CHODL: variants seen among roughly 807,000 people sequenced by gnomAD.
CHODL encodes transmembrane protein MT75.
In CHODL, 29 loss-of-function variants were observed where a neutral mutation model predicts 34.5. The observed-to-expected ratio is 0.84, with a 90% CI of 0.63 to 1.15. The LOEUF (loss-of-function observed/expected upper bound fraction) is 1.15, where lower values mean the gene tolerates loss of function less well. Ranked by LOEUF, CHODL falls within the 50% of genes most tolerant of loss-of-function variation. CHODL has a pLI of 0.00. For synonymous variants in CHODL, 125 were observed against 116.1 expected, an observed-to-expected ratio of 1.08 and a Z score of -0.49; for missense variants, 332 against 332.5, an observed-to-expected ratio of 1.00 and a Z score of 0.01.
chr21:17,935,344 C>G (rs1272020994), intron 1 of CHODL, among the ~76,000 whole-genome samples: 1 of 152,096 alleles, frequency 6.6e-6, no homozygotes, highest in Admixed American at 6.5e-5. Context: ...CTAGTGGCCA[C>G]TCAGTTGGTA....
At chr21:18,099,363 T>C (rs1340167008) in intron 2 of CHODL, among the ~76,000 whole-genome samples, 1 of 151,902 alleles carries the variant, frequency 6.6e-6, no homozygotes, top group Admixed American at 6.6e-5. Context: ...TATGTATACC[T>C]ACTGAGTACC....
intron 2 of CHODL, among the ~76,000 whole-genome samples, chr21:18,199,352 A>G (rs2073625981): frequency 6.6e-6 from 1 of 152,144 alleles, no homozygotes; most frequent in Admixed American, 6.5e-5. Flanking sequence ...TTTATGGAAA[A>G]TTGAGCAGAT....
chr21:18,245,137 GAGGCTGC>G lies in CHODL; in HGVS notation c.-84_-78del, dbSNP rs2074122328. ...GAGTAGGGCCCGGCAGGGAGGCAGGGAGGCTGCAGAGTCAGAGTCGCGGGCTGCGCCC... is the reference window on the plus strand; with the variant it reads ...GAGTAGGGCCCGGCAGGGAGGCAGGGAGAGTCAGAGTCGCGGGCTGCGCCC... On this transcript the variant is annotated 5_prime_UTR_variant, in exon 1 of 6. Coordinates refer to ENST00000299295, the MANE Select transcript of CHODL (RefSeq NM_024944.3). 2.1e-5 allele frequency: 25 copies of G among 1,176,464 alleles called. No homozygotes were observed. The South Asian group carries it at 3.1e-4, about 15-fold the overall frequency. The allele number at this position is 1,176,464 out of a possible 1,614,324, so 72.9% of individuals were successfully genotyped here. A position where few individuals can be genotyped will look rare whatever the true frequency, so the allele number is the denominator to read the frequency against.
At chr21:17,999,498 C>T (rs139806867) in intron 1 of CHODL, among the ~76,000 whole-genome samples, 14 of 152,036 alleles carry the variant, frequency 9.2e-5, no homozygotes, top group Middle Eastern at 3.2e-3. Context: ...TAAACACATA[C>T]GTGAAACTGT....
intron 2 of CHODL, among the ~76,000 whole-genome samples, chr21:18,058,560 T>G (rs2064613484): frequency 6.6e-6 from 1 of 152,140 alleles, no homozygotes; most frequent in African/African-American, 2.4e-5. Context: ...TTGGAGGACA[T>G]TATGTCAAGT....
At chr21:18,023,224 G>C (rs192379225) in intron 1 of CHODL, among the ~76,000 whole-genome samples, 2 of 152,258 alleles carry the variant, frequency 1.3e-5, no homozygotes, top group East Asian at 1.9e-4. Flanking sequence ...TGGGGATAAG[G>C]GGGTGGGGAC....
At chr21:18,041,209 C>A (rs2064371715) in intron 2 of CHODL, among the ~76,000 whole-genome samples, 1 of 151,846 alleles carries the variant, frequency 6.6e-6, no homozygotes, top group African/African-American at 2.4e-5. Flanking sequence ...TAGACAGACA[C>A]AAGGTGGCGT....
At chr21:18,023,923 T>C (rs1290436530) in intron 1 of CHODL, among the ~76,000 whole-genome samples, 2 of 152,174 alleles carry the variant, frequency 1.3e-5, no homozygotes, top group African/African-American at 4.8e-5. Context: ...TCTCAAAGCA[T>C]GCAAAACTAG....
chr21:17,997,119 G>T (rs2063857452), intron 1 of CHODL, among the ~76,000 whole-genome samples: 2 of 152,044 alleles, frequency 1.3e-5, no homozygotes. Context: ...TTTCTTTTAA[G>T]TTCATAATAT....
intron 2 of CHODL, among the ~76,000 whole-genome samples, chr21:18,221,818 C>G (rs145567495): frequency 6.6e-6 from 1 of 152,314 alleles, no homozygotes; most frequent in Admixed American, 6.5e-5. Flanking sequence ...ATTTGAGCCT[C>G]TGAGCAGGGT....
Position 18,261,718 on chromosome 21 carries a change from T to A in CHODL, c.635-1073T>A, listed in dbSNP as rs569887600. ...ACATTAGAAATACTTTTTTCTCTTT[T>A]GAAATTGAGCAGATGTTTATTAATT... On this transcript the variant is annotated intron_variant, in intron 4 of 5. Coordinates refer to ENST00000299295, the MANE Select transcript of CHODL (RefSeq NM_024944.3). 5.9e-5 allele frequency among the ~76,000 whole-genome samples: 9 copies of A among 152,274 alleles called. No individual in the cohort carries two copies. The South Asian group carries it at 1.9e-3, about 32-fold the overall frequency.
chr21:18,167,536 C>T (rs2073174147), intron 2 of CHODL, among the ~76,000 whole-genome samples: 1 of 152,028 alleles, frequency 6.6e-6, no homozygotes, highest in African/African-American at 2.4e-5. Flanking sequence ...GTCTCAATCT[C>T]CTGACCTCAT....
chr21:18,142,888 A>T (rs926601768), intron 2 of CHODL, among the ~76,000 whole-genome samples: 2 of 152,168 alleles, frequency 1.3e-5, no homozygotes, highest in African/African-American at 4.8e-5. Context: ...GTTGCAGAGT[A>T]CTTAAGTGCT....
At chr21:17,985,202 C>A (rs966317495) in intron 1 of CHODL, among the ~76,000 whole-genome samples, 2 of 152,098 alleles carry the variant, frequency 1.3e-5, no homozygotes, top group African/African-American at 4.8e-5. Flanking sequence ...ATTTTTTCAA[C>A]TCTTCTTTTA....
intron 2 of CHODL, among the ~76,000 whole-genome samples, chr21:18,129,890 C>G (rs2072632100): frequency 1.8e-5 from 2 of 113,360 alleles, no homozygotes; most frequent in African/African-American, 8.2e-5. Context: ...CTCTGTCTTT[C>G]TCTGTGTGTG....
chr21:18,234,582 C>A (rs966934558), intron 2 of CHODL, among the ~76,000 whole-genome samples: 2 of 151,950 alleles, frequency 1.3e-5, no homozygotes, highest in Admixed American at 1.3e-4. Flanking sequence ...GAGGATAATG[C>A]AACTAAAAGG....
intron 2 of CHODL, among the ~76,000 whole-genome samples, chr21:18,034,044 A>G (rs1332131800): frequency 6.6e-6 from 1 of 151,996 alleles, no homozygotes; most frequent in Non-Finnish European, 1.5e-5. Context: ...TGAGAACCCT[A>G]TGAGTGGCCC....
At chr21:18,123,258 G>A (rs556516708) in intron 2 of CHODL, among the ~76,000 whole-genome samples, 23 of 152,258 alleles carry the variant, frequency 1.5e-4, no homozygotes, top group African/African-American at 4.8e-4. Context: ...CTGCTTTGAC[G>A]TTTGGTGAAA....
chr21:18,185,743 G>T (rs552158362), intron 2 of CHODL, among the ~76,000 whole-genome samples: 1 of 152,278 alleles, frequency 6.6e-6, no homozygotes, highest in African/African-American at 2.4e-5. Context: ...CAGTTTTGAA[G>T]GCTGGAAAGT....
Sources: allele counts gnomAD v4.1 joint callset (sites outside exome capture counted in the v4.1 genomes callset), GRCh38; gene constraint gnomAD v4.1.1; transcripts MANE v1.5; gene names NCBI Gene and HGNC (gene_info 2026-07-23, HGNC 2026-07-21).